Variants in HSD17B4 observed in about 807,000 individuals in gnomAD.
HSD17B4 encodes peroxisomal multifunctional enzyme type 2.
A neutral mutation model predicts 101.0 loss-of-function variants in HSD17B4; 70 were observed. The ratio of observed to expected loss-of-function variants is 0.69; its 90% CI spans 0.57 to 0.85. HSD17B4 has a LOEUF of 0.85. Ranked by LOEUF, HSD17B4 falls within the 40% of genes least tolerant of loss-of-function variation. The probability of loss-of-function intolerance (pLI) is 0.00; values close to 1 mark genes in which losing one functional copy is unlikely to be tolerated. For missense variants in HSD17B4, 984 were observed against 892.4 expected (o/e 1.10, Z -1.31); for synonymous variants, 347 against 297.1 (o/e 1.17, Z -1.73).
intron 14 of HSD17B4, among the ~76,000 whole-genome samples, chr5:119,503,076 T>TTGTGCG (rs1751321358): frequency 7.1e-6 from 1 of 140,534 alleles, no homozygotes; most frequent in African/African-American, 2.7e-5. Flanking sequence ...ACCTTGGAAA[T>TTGTGCG]TGTGTGTGTG....
At chr5:119,530,986 G>A (rs963611776) in intron 21 of HSD17B4, among the ~76,000 whole-genome samples, 1 of 151,446 alleles carries the variant, frequency 6.6e-6, no homozygotes, top group African/African-American at 2.4e-5. Flanking sequence ...AATTTGATCA[G>A]GATCTTTCTA....
At chr5:119,501,988 G>A in intron 13 of HSD17B4, 53 bp from the exon 14 acceptor site, 1 of 1,088,152 alleles carries the variant, frequency 9.2e-7, no homozygotes, top group Non-Finnish European at 1.4e-6. Flanking sequence ...TCCATAGGCA[G>A]AACCTGTGGA....
intron 8 of HSD17B4, among the ~76,000 whole-genome samples, chr5:119,486,625 G>T (rs1749633695): frequency 1.3e-5 from 2 of 152,072 alleles, no homozygotes; most frequent in Non-Finnish European, 2.9e-5. Context: ...ATATAAAGCT[G>T]TAGCTCATTC....
chr5:119,509,341 C>T, intron 16 of HSD17B4, 97 bp downstream of exon 16: 1 of 818,096 alleles, frequency 1.2e-6, no homozygotes, highest in Non-Finnish European at 2.2e-6. Context: ...TGCATGAGCC[C>T]ACTTATAGGC....
chr5:119,490,515 A>G (rs898731722), intron 9 of HSD17B4, among the ~76,000 whole-genome samples: 3 of 152,084 alleles, frequency 2.0e-5, no homozygotes, highest in Admixed American at 6.6e-5. Flanking sequence ...ACTAGTATGA[A>G]TATTTTTATG....
intron 11 of HSD17B4, among the ~76,000 whole-genome samples, chr5:119,495,320 T>C (rs904561592): frequency 2.0e-5 from 3 of 152,198 alleles, no homozygotes; most frequent in East Asian, 1.9e-4. Context: ...AGCTATCTAA[T>C]TGAATTATTA....
chr5:119,541,904 G>T lies in HSD17B4; in HGVS notation c.2122-1G>T, dbSNP rs1755026740. On this transcript the variant is annotated splice_acceptor_variant, in intron 23 of 23. Transcript: ENST00000510025. LOFTEE classifies it high-confidence loss of function. The stretch of plus-strand genomic sequence containing the variant: ...ACTCTTTTTCCCTCCTCTCCTTGCA[G>T]GCATTCTTTAGTGGCAGGCTGAAGG... 6.2e-7 allele frequency: 1 copy of T among 1,600,060 alleles called. No homozygotes were observed. The highest frequency in any genetic ancestry group is 8.6e-7 in the Non-Finnish European group (1 of 1,167,898).
In HSD17B4 at chr5:119,458,964, G is replaced by A. The variant is rs532680279; in HGVS notation, c.112+2596G>A. ...ACACAAGAAGGACTGACAAAAAGGA[G>A]CAAAAAGAACTCCTTAGTAAAAGAA... On this transcript the variant is annotated intron_variant, in intron 2 of 23. Transcript: ENST00000510025. 3.9e-5 allele frequency among the ~76,000 whole-genome samples: 6 copies of A among 152,284 alleles called. No homozygotes were observed. In the South Asian group the frequency reaches 1.2e-3, roughly 32 times the overall value.
intron 22 of HSD17B4, among the ~76,000 whole-genome samples, chr5:119,532,299 A>G (rs970861698): frequency 6.6e-6 from 1 of 152,112 alleles, no homozygotes; most frequent in Non-Finnish European, 1.5e-5. Flanking sequence ...TTATAATTGT[A>G]TGTTTTCTCT....
chr5:119,528,267 C>T (rs1327167750), intron 20 of HSD17B4, among the ~76,000 whole-genome samples: 2 of 152,144 alleles, frequency 1.3e-5, no homozygotes, highest in Non-Finnish European at 2.9e-5. Flanking sequence ...GCTTTGATTA[C>T]AGGCCCCAAA....
chr5:119,521,489 T>C (rs1460961277), intron 17 of HSD17B4, among the ~76,000 whole-genome samples: 2 of 152,152 alleles, frequency 1.3e-5, no homozygotes, highest in Non-Finnish European at 1.5e-5. Context: ...TTTCTTTCTT[T>C]GGGTATCCAT....
At position 119,474,454 on chromosome 5, in the gene HSD17B4, A is replaced by G. The variant is rs1432696314; in HGVS notation, c.274A>G (p.Arg92Gly). The G allele has an allele frequency of 6.3e-7, 1 of 1,595,780 alleles. No homozygotes were observed. Among genetic ancestry groups the G allele is most frequent in the Non-Finnish European group, 8.6e-7 (1 of 1,163,448 alleles). ...VVKTALDAFG[R>G]IDVVVNNAGI... ...GAAGACAGCCCTGGATGCTTTTGGAAGAATAGGTGATGTTTCTTTGTGTTA... is the reference window on the plus strand; with the variant it reads ...GAAGACAGCCCTGGATGCTTTTGGAGGAATAGGTGATGTTTCTTTGTGTTA... The change falls in exon 4 of 24, where the codon AGA (arginine) becomes GGA (glycine). Residue 92 changes from arginine (R) to glycine (G), a missense_variant. Transcript: ENST00000510025.
intron 17 of HSD17B4, among the ~76,000 whole-genome samples, chr5:119,523,869 G>T (rs751063804): frequency 1.3e-5 from 2 of 152,064 alleles, no homozygotes; most frequent in Non-Finnish European, 2.9e-5. Context: ...TTGAGGCTTC[G>T]AATGGTGAAG....
chr5:119,523,613 T>G (rs1440551700), intron 17 of HSD17B4, among the ~76,000 whole-genome samples: 1 of 152,164 alleles, frequency 6.6e-6, no homozygotes, highest in Admixed American at 6.6e-5. Context: ...GTGAGATATT[T>G]CATATTAATA....
chr5:119,474,370 G>A (rs748713908), intron 3 of HSD17B4, 31 bp from the exon 4 acceptor site: 9 of 1,525,820 alleles, frequency 5.9e-6, no homozygotes, highest in African/African-American at 4.1e-5. Flanking sequence ...GGAGGTTGCC[G>A]AAATTTCATA....
At chr5:119,533,158 A>G (rs77908598) in intron 22 of HSD17B4, among the ~76,000 whole-genome samples, 247 of 152,260 alleles carry the variant, frequency 1.6e-3, no homozygotes, top group African/African-American at 5.5e-3. Context: ...AACACAAGTG[A>G]TAAGAGACAT....
intron 1 of HSD17B4, among the ~76,000 whole-genome samples, chr5:119,454,542 G>A (rs1754401626): frequency 6.6e-6 from 1 of 151,780 alleles, no homozygotes; most frequent in South Asian, 2.1e-4. Context: ...CTGGCCTCAA[G>A]TGATCCTTCT....
At chr5:119,541,179 C>T (rs1430104774) in intron 23 of HSD17B4, among the ~76,000 whole-genome samples, 1 of 152,158 alleles carries the variant, frequency 6.6e-6, no homozygotes, top group Non-Finnish European at 1.5e-5. Flanking sequence ...GCTACAGGAA[C>T]CCTTCGTTTT....
chr5:119,517,713 C>G (rs1003920922), intron 17 of HSD17B4, among the ~76,000 whole-genome samples: 5 of 152,114 alleles, frequency 3.3e-5, no homozygotes, highest in African/African-American at 1.2e-4. Context: ...AGTGGACACT[C>G]TGTATCTAGC....
Sources: gnomAD v4.1 joint callset for allele counts (sites outside exome capture counted in the v4.1 genomes callset) on GRCh38, gnomAD v4.1.1 for gene constraint, MANE v1.5 for transcripts, NCBI Gene and HGNC (gene_info 2026-07-23, HGNC 2026-07-21) for gene names.